The following MTAP variants were observed in gnomAD, a reference collection of about 807,000 sequenced individuals.
The protein encoded by MTAP is methylthioadenosine phosphorylase.
A neutral mutation model predicts 33.6 loss-of-function variants in MTAP; 33 were observed. The ratio of observed to expected loss-of-function variants is 0.98; its 90% CI spans 0.74 to 1.31. The LOEUF (loss-of-function observed/expected upper bound fraction) is 1.31. Ranked by LOEUF, MTAP falls within the 40% of genes most tolerant of loss-of-function variation. The pLI, the probability that MTAP is intolerant of heterozygous loss-of-function variation, is 0.00. For missense variants in MTAP, 367 were observed against 360.0 expected (o/e 1.02, Z -0.16); for synonymous variants, 148 against 125.7 (o/e 1.18, Z -1.19).
chr9:21,882,214 C>T (rs1818024758), intron 1 of MTAP, among the ~76,000 whole-genome samples: 1 of 151,918 alleles, frequency 6.6e-6, no homozygotes, highest in South Asian at 2.1e-4. Flanking sequence ...AAAACTTAAA[C>T]ACAAGACGAA....
intron 4 of MTAP, among the ~76,000 whole-genome samples, chr9:21,819,735 G>C (rs954509904): frequency 3.3e-5 from 5 of 152,194 alleles, no homozygotes; most frequent in South Asian, 2.1e-4. Context: ...CACAATGGTT[G>C]AACTAGTTCA....
downstream of MTAP, among the ~76,000 whole-genome samples, chr9:21,940,714 G>C (rs543173315): frequency 2.6e-5 from 4 of 151,992 alleles, no homozygotes; most frequent in Non-Finnish European, 5.9e-5. Flanking sequence ...GAGATTCATG[G>C]GGCAAGGTAT....
At chr9:21,882,531 A>G (rs1248036731) in intron 1 of MTAP, among the ~76,000 whole-genome samples, 1 of 152,086 alleles carries the variant, frequency 6.6e-6, no homozygotes, top group Non-Finnish European at 1.5e-5. Context: ...TACAAAAACT[A>G]CAGTCAGCAT....
At chr9:21,836,878 G>C (rs1825122207) in intron 4 of MTAP, among the ~76,000 whole-genome samples, 1 of 152,132 alleles carries the variant, frequency 6.6e-6, no homozygotes, top group Admixed American at 6.6e-5. Flanking sequence ...CAGTAGACTT[G>C]CCAGCTGTGT....
At chr9:21,825,740 C>G (rs1474519755) in intron 4 of MTAP, among the ~76,000 whole-genome samples, 1 of 152,174 alleles carries the variant, frequency 6.6e-6, no homozygotes, top group African/African-American at 2.4e-5. Context: ...ACTTAAGAGA[C>G]TGAGGTGGGA....
exon 8 of MTAP, chr9:21,937,414 T>A (rs1449129393): frequency 6.6e-6 from 1 of 152,134 alleles, no homozygotes; most frequent in Non-Finnish European, 1.5e-5. Context: ...AAAATGACAG[T>A]TTTCTTTTTA....
chr9:21,898,763 G>A (rs1415152275), intron 1 of MTAP, among the ~76,000 whole-genome samples: 1 of 152,110 alleles, frequency 6.6e-6, no homozygotes, highest in Admixed American at 6.6e-5. Flanking sequence ...GGAGAAATAG[G>A]AACACTTTTA....
chr9:21,825,840 G>A (rs1207767339), intron 4 of MTAP, among the ~76,000 whole-genome samples: 2 of 152,152 alleles, frequency 1.3e-5, no homozygotes, highest in Non-Finnish European at 2.9e-5. Context: ...AAGCCATTCA[G>A]GTGTGAGGTG....
chr9:21,859,309 G>C lies in MTAP; in HGVS notation c.697G>C (p.Val233Leu), dbSNP rs767317262. 6.2e-7 allele frequency: 1 copy of C among 1,608,292 alleles called. No homozygotes were observed. The highest frequency in any genetic ancestry group is 1.1e-5 in the South Asian group (1 of 89,982). ...AGTGCTATTGTTTCTCTAGGTTTCGGTGGACCGGGTCTTAAAGACCCTGAA... is the reference window on the plus strand; with the variant it reads ...AGTGCTATTGTTTCTCTAGGTTTCGCTGGACCGGGTCTTAAAGACCCTGAA... ...CWKEHEEAVS[V>L]DRVLKTLKEN... Residue 233 changes from valine to leucine, a missense_variant, in exon 7 of 8, where the codon GTG (valine) becomes CTG (leucine). Physicochemically the swap from Val to Leu is conservative, Grantham distance 32. Coordinates refer to ENST00000644715, the MANE Select transcript of MTAP (RefSeq NM_002451.4).
chr9:21,885,561 A>G (rs569338170), intron 1 of MTAP, among the ~76,000 whole-genome samples: 1 of 152,164 alleles, frequency 6.6e-6, no homozygotes, highest in African/African-American at 2.4e-5. Flanking sequence ...CTAGTCTTTT[A>G]TCCCTCACCC....
intron 4 of MTAP, among the ~76,000 whole-genome samples, chr9:21,829,465 GC>G (rs1824913524): frequency 7.0e-6 from 1 of 142,040 alleles, no homozygotes; most frequent in Non-Finnish European, 1.5e-5. Flanking sequence ...CCACTCTGTT[GC>G]CCAGGCTAGA....
chr9:21,837,898 T>C lies in MTAP; in HGVS notation c.348-10T>C. ...AAACAAACAAAAACCTTTTTTGCTT[T>C]ATTTTGTAGGACCACTATGAGACCT... On this transcript the variant is annotated splice_polypyrimidine_tract_variant and intron_variant, in intron 4 of 7. Coordinates refer to ENST00000644715, the MANE Select transcript of MTAP (RefSeq NM_002451.4). 6.2e-7 allele frequency: 1 copy of C among 1,609,092 alleles called. No individual in the cohort carries two copies. Among genetic ancestry groups the C allele is most frequent in the African/African-American group, 1.3e-5 (1 of 74,772 alleles).
intron 3 of MTAP, 103 bp downstream of exon 3, chr9:21,816,875 G>A: frequency 1.1e-6 from 1 of 940,388 alleles, no homozygotes. Context: ...TTTATATGTT[G>A]GCAGAATCAG....
At chr9:21,829,999 G>T (rs1477345438) in intron 4 of MTAP, among the ~76,000 whole-genome samples, 2 of 152,126 alleles carry the variant, frequency 1.3e-5, no homozygotes, top group Non-Finnish European at 2.9e-5. Flanking sequence ...GAAAAGGGGA[G>T]CCCTGGGTGT....
chr9:21,933,741 A>G (rs1336052383), downstream of MTAP: 1 of 152,188 alleles, frequency 6.6e-6, no homozygotes, highest in African/African-American at 2.4e-5. Flanking sequence ...ACATGGCTAC[A>G]GTTTTCAAAT....
intron 4 of MTAP, among the ~76,000 whole-genome samples, chr9:21,836,720 C>T (rs924818556): frequency 6.6e-6 from 1 of 152,182 alleles, no homozygotes; most frequent in Non-Finnish European, 1.5e-5. Flanking sequence ...TCCCCTAAAG[C>T]GCATATGACA....
At position 21,831,097 on chromosome 9, in the gene MTAP, T is replaced by G. The variant is rs540033591; in HGVS notation, c.348-6811T>G. 1.1e-3 allele frequency among the ~76,000 whole-genome samples: 167 copies of G among 152,346 alleles called. 2 individuals carry two copies. The highest frequency in any genetic ancestry group is 3.9e-3 in the African/African-American group (164 of 41,576). ...TAGCCCAGTTCTTGTTAGATACCTT[T>G]GCACATTCATTTGTATGTATGGCAG... On this transcript the variant is annotated intron_variant, in intron 4 of 7. Transcript: ENST00000644715.
chr9:21,844,723 C>A (rs895583533), intron 5 of MTAP, among the ~76,000 whole-genome samples: 1 of 152,164 alleles, frequency 6.6e-6, no homozygotes, highest in East Asian at 1.9e-4. Context: ...ATAGAAGGGA[C>A]GTACCTCAAG....
downstream of MTAP, chr9:21,932,432 A>G (rs1232061477): frequency 2.0e-5 from 3 of 152,218 alleles, no homozygotes; most frequent in African/African-American, 7.2e-5. Context: ...AAAATGTGCA[A>G]CTTCTTCAAT....
Sources: allele counts gnomAD v4.1 joint callset (sites outside exome capture counted in the v4.1 genomes callset), GRCh38; gene constraint gnomAD v4.1.1; transcripts MANE v1.5; gene names NCBI Gene and HGNC (gene_info 2026-07-23, HGNC 2026-07-21).